CADM2: variants seen among roughly 807,000 people sequenced by gnomAD.
CADM2 encodes the protein cell adhesion molecule 2.
In CADM2, 12 loss-of-function variants were observed where a neutral mutation model predicts 49.8. That is an observed-to-expected ratio of 0.24 (90% CI 0.15 to 0.39). The LOEUF is 0.39. Among genes scored for constraint, CADM2 ranks in the 10% least tolerant of loss-of-function variants. The pLI is 1.00. For missense variants in CADM2, 378 were observed against 492.3 expected, an observed-to-expected ratio of 0.77 and a Z score of 2.20; for synonymous variants, 214 against 175.4, an observed-to-expected ratio of 1.22 and a Z score of -1.74.
intron 3 of CADM2, among the ~76,000 whole-genome samples, chr3:85,824,060 T>C (rs2073763904): frequency 6.6e-6 from 1 of 152,160 alleles, no homozygotes; most frequent in Non-Finnish European, 1.5e-5. Context: ...CATTTCGCTG[T>C]TGTAATTTTA....
intron 1 of CADM2, among the ~76,000 whole-genome samples, chr3:85,122,286 T>C (rs940192403): frequency 6.6e-6 from 1 of 152,170 alleles, no homozygotes; most frequent in Non-Finnish European, 1.5e-5. Context: ...CAAGACTAAT[T>C]AAACATGAAA....
chr3:85,499,092 A>C (rs1158736550), intron 1 of CADM2, among the ~76,000 whole-genome samples: 1 of 152,158 alleles, frequency 6.6e-6, no homozygotes, highest in Non-Finnish European at 1.5e-5. Flanking sequence ...AAATTCTATT[A>C]ATAATTTCAA....
In CADM2 at chr3:85,719,113, A is replaced by C. The variant is rs115444224; in HGVS notation, c.62-7409A>C. Among the ~76,000 whole-genome samples the C allele has an allele frequency of 2.2e-3, 333 of 152,070 alleles. 1 individual carries two copies. The highest frequency in any genetic ancestry group is 7.7e-3 in the African/African-American group (319 of 41,512). Reference sequence around the variant, plus strand: ...TTTTTAGTAGATATGAGGTTTCACCATATTGGTCAGGGTGGAAATATTCCA... The same window carrying C: ...TTTTTAGTAGATATGAGGTTTCACCCTATTGGTCAGGGTGGAAATATTCCA... On this transcript the variant is annotated intron_variant, in intron 1 of 9. Coordinates refer to ENST00000383699, the MANE Select transcript of CADM2 (RefSeq NM_001167675.2).
chr3:85,902,506 C>A (rs1156904438), intron 5 of CADM2, among the ~76,000 whole-genome samples: 1 of 151,662 alleles, frequency 6.6e-6, no homozygotes, highest in Non-Finnish European at 1.5e-5. Flanking sequence ...TTAATCAACT[C>A]ACCTGTAATC....
At chr3:85,356,301 A>C (rs1340702917) in intron 1 of CADM2, among the ~76,000 whole-genome samples, 1 of 152,096 alleles carries the variant, frequency 6.6e-6, no homozygotes, top group Non-Finnish European at 1.5e-5. Flanking sequence ...AGTTAATATA[A>C]AGAAAAACAT....
At chr3:86,047,487 T>G (rs1736817652) in intron 8 of CADM2, among the ~76,000 whole-genome samples, 1 of 152,178 alleles carries the variant, frequency 6.6e-6, no homozygotes, top group Admixed American at 6.6e-5. Flanking sequence ...GTTTGTCAGT[T>G]GCAAACTGAT....
At chr3:85,000,283 A>AT (rs534262032) in intron 1 of CADM2, among the ~76,000 whole-genome samples, 274 of 147,630 alleles carry the variant, frequency 1.9e-3, no homozygotes, top group Admixed American at 5.5e-3. Flanking sequence ...CCAGCTAATT[A>AT]TTTTTTTTTT....
intron 8 of CADM2, among the ~76,000 whole-genome samples, chr3:86,023,392 GTT>G (rs1229989418): frequency 8.3e-6 from 1 of 120,498 alleles, no homozygotes; most frequent in African/African-American, 3.2e-5. Flanking sequence ...GTTTTGTTTT[GTT>G]TTTTTGAGAC....
chr3:85,420,059 T>G (rs2036099232), intron 1 of CADM2, among the ~76,000 whole-genome samples: 1 of 152,164 alleles, frequency 6.6e-6, no homozygotes, highest in Admixed American at 6.5e-5. Context: ...CTTCAAGGGA[T>G]TAAAAGGTTT....
chr3:85,205,391 T>A (rs1184958363), intron 1 of CADM2, among the ~76,000 whole-genome samples: 1 of 152,164 alleles, frequency 6.6e-6, no homozygotes, highest in Non-Finnish European at 1.5e-5. Context: ...TTTTGAAGCA[T>A]GATTTCTATC....
chr3:85,811,838 T>G (rs927499078), intron 3 of CADM2, among the ~76,000 whole-genome samples: 1 of 150,678 alleles, frequency 6.6e-6, no homozygotes. Flanking sequence ...GTGACCAGTT[T>G]CCTGGAAAAT....
chr3:85,798,941 T>C (rs1005682081), intron 2 of CADM2, among the ~76,000 whole-genome samples: 11 of 152,178 alleles, frequency 7.2e-5, no homozygotes, highest in African/African-American at 2.2e-4. Context: ...TCCCCTCTTA[T>C]TTTTTTGAGC....
intron 1 of CADM2, among the ~76,000 whole-genome samples, chr3:85,029,893 C>T (rs368569851): frequency 1.3e-5 from 2 of 152,336 alleles, no homozygotes; most frequent in East Asian, 3.9e-4. Flanking sequence ...TAGCATCTTA[C>T]ACAGGTGGAA....
rs555466308 is a variant in CADM2, at chr3:85,365,585, A to G, written c.62-360937A>G. ...GTAATCCACTCCTGATTTTTTATGT[A>G]TGTCATATCATTAAAATGACAAGCC... On this transcript the variant is annotated intron_variant, in intron 1 of 9. Transcript: ENST00000383699. Among the ~76,000 whole-genome samples, 5 of 152,256 alleles carry G rather than the reference A, an allele frequency of 3.3e-5. No individual in the cohort carries two copies. The South Asian group carries it at 8.3e-4, about 25-fold the overall frequency.
intron 1 of CADM2, among the ~76,000 whole-genome samples, chr3:85,600,158 C>T (rs552905563): frequency 6.6e-6 from 1 of 151,830 alleles, no homozygotes; most frequent in South Asian, 2.1e-4. Context: ...TGATCTATAT[C>T]TTTTGCCATT....
At chr3:85,704,128 G>A (rs961275567) in intron 1 of CADM2, among the ~76,000 whole-genome samples, 2 of 151,978 alleles carry the variant, frequency 1.3e-5, no homozygotes, top group African/African-American at 4.8e-5. Context: ...CAGAGTTAAG[G>A]GCAGTGCCTG....
At chr3:85,538,487 A>G (rs1388870768) in intron 1 of CADM2, among the ~76,000 whole-genome samples, 1 of 152,140 alleles carries the variant, frequency 6.6e-6, no homozygotes, top group African/African-American at 2.4e-5. Context: ...AGCTGCTTTC[A>G]TGAATGAAAG....
intron 2 of CADM2, among the ~76,000 whole-genome samples, chr3:85,775,811 G>T (rs978316444): frequency 1.3e-5 from 2 of 151,826 alleles, no homozygotes; most frequent in African/African-American, 2.4e-5. Context: ...CCAACCCAGA[G>T]ATTCTATTCA....
At chr3:85,549,447 A>G (rs1343865539) in intron 1 of CADM2, among the ~76,000 whole-genome samples, 2 of 152,170 alleles carry the variant, frequency 1.3e-5, no homozygotes, top group Non-Finnish European at 2.9e-5. Context: ...AATAACAAGA[A>G]CTATAGATAT....
Sources: gnomAD v4.1 joint callset for allele counts (sites outside exome capture counted in the v4.1 genomes callset) on GRCh38, gnomAD v4.1.1 for gene constraint, MANE v1.5 for transcripts, NCBI Gene and HGNC (gene_info 2026-07-23, HGNC 2026-07-21) for gene names.